Variants in SOBP observed in about 807,000 individuals in gnomAD.
SOBP encodes sine oculis binding protein homolog.
A neutral mutation model predicts 53.6 loss-of-function variants in SOBP; 4 were observed. The observed-to-expected ratio is 0.07, with a 90% confidence interval of 0.04 to 0.17. The LOEUF (loss-of-function observed/expected upper bound fraction) is 0.17. Among genes scored for constraint, SOBP ranks in the 10% least tolerant of loss-of-function variants. The probability of loss-of-function intolerance (pLI) is 1.00; values close to 1 mark genes in which losing one functional copy is unlikely to be tolerated. For synonymous variants in SOBP, 584 were observed against 522.6 expected (o/e 1.12, Z -1.60); for missense variants, 1,088 against 1,204.7 (o/e 0.90, Z 1.43).
chr6:107,542,720 C>T (rs1315863827), intron 4 of SOBP, among the ~76,000 whole-genome samples: 1 of 151,782 alleles, frequency 6.6e-6, no homozygotes. Flanking sequence ...GTGTATTGAA[C>T]CAATTTAGTT....
intron 4 of SOBP, among the ~76,000 whole-genome samples, chr6:107,578,543 C>G (rs976098113): frequency 6.6e-6 from 1 of 152,144 alleles, no homozygotes; most frequent in East Asian, 1.9e-4. Flanking sequence ...TCCATAATGT[C>G]TCTGTGCCCC....
At chr6:107,577,653 C>T (rs1345662908) in intron 4 of SOBP, among the ~76,000 whole-genome samples, 1 of 152,134 alleles carries the variant, frequency 6.6e-6, no homozygotes, top group Non-Finnish European at 1.5e-5. Flanking sequence ...TTTTAGAAGT[C>T]CACAAAGGAG....
At position 107,634,155 on chromosome 6, in the gene SOBP, G is replaced by A. The variant is rs745575165; in HGVS notation, c.1311G>A (p.Pro437=). 1.2e-6 allele frequency: 2 copies of A among 1,607,954 alleles called. No homozygotes were observed. Among genetic ancestry groups the A allele is most frequent in the Admixed American group, 1.7e-5 (1 of 59,674 alleles). The change falls in exon 6 of 7, where the codon CCG becomes CCA. Residue 437 remains proline (P), a synonymous_variant. Transcript: ENST00000317357. The surrounding 1 kb of genome is among the most constrained non-coding windows in gnomAD (Gnocchi z 4.5). The part of the protein sequence containing the change: ...SNPMLPGIGP[P]PGGPRNLGPT... The stretch of plus-strand genomic sequence containing the variant: ...CCATGCTTCCCGGCATCGGGCCCCC[G>A]CCCGGTGGCCCCAGAAACCTGGGCC...
chr6:107,633,692 T>A lies in SOBP; in HGVS notation c.848T>A (p.Met283Lys). 1 of 1,614,210 alleles carries A rather than the reference T, an allele frequency of 6.2e-7. No homozygotes were observed. The highest frequency in any genetic ancestry group is 1.1e-5 in the South Asian group (1 of 91,084). The change falls in exon 6 of 7, where the codon ATG (methionine) becomes AAG (lysine). Residue 283 changes from methionine to lysine, a missense_variant. Met to Lys is a moderately conservative substitution (Grantham distance 95, BLOSUM62 -1). Transcript: ENST00000317357. ...AGLCSTLHPP[M>K]ENKAEGTGVQ... ...CTGTGCAGCACATTACACCCTCCCA[T>A]GGAAAATAAAGCAGAAGGCACCGGG...
intron 6 of SOBP, among the ~76,000 whole-genome samples, chr6:107,637,376 G>A (rs150876512): frequency 2.8e-3 from 427 of 152,336 alleles, no homozygotes; most frequent in South Asian, 4.1e-3. Context: ...ACCATCGTTC[G>A]AGGTTTCCTT....
chr6:107,498,477 C>T (rs569515416), intron 1 of SOBP, among the ~76,000 whole-genome samples: 7 of 151,992 alleles, frequency 4.6e-5, no homozygotes, highest in Non-Finnish European at 8.8e-5. Context: ...AGGTATTTTG[C>T]GAATTTGTAA....
At chr6:107,516,374 A>C (rs1783321399) in intron 3 of SOBP, among the ~76,000 whole-genome samples, 2 of 152,038 alleles carry the variant, frequency 1.3e-5, no homozygotes, top group Admixed American at 1.3e-4. Flanking sequence ...AGGTGGGAGA[A>C]TTGTTGGAAC....
chr6:107,610,923 C>T (rs2115101380), intron 5 of SOBP, among the ~76,000 whole-genome samples: 1 of 152,318 alleles, frequency 6.6e-6, no homozygotes, highest in East Asian at 1.9e-4. Context: ...GCATCACTAC[C>T]ATAGTTACCA....
chr6:107,569,664 G>A (rs556168881), intron 4 of SOBP, among the ~76,000 whole-genome samples: 7 of 152,292 alleles, frequency 4.6e-5, no homozygotes, highest in Non-Finnish European at 5.9e-5. Context: ...GGCTGGGCCC[G>A]GAGATAAAAC....
intron 4 of SOBP, among the ~76,000 whole-genome samples, chr6:107,565,285 G>C (rs953660325): frequency 1.3e-5 from 2 of 152,138 alleles, no homozygotes; most frequent in Admixed American, 1.3e-4. Context: ...AGTCTCTGCT[G>C]AGTCCCATTG....
intron 2 of SOBP, among the ~76,000 whole-genome samples, chr6:107,504,795 A>C (rs927612686): frequency 6.6e-6 from 1 of 152,252 alleles, no homozygotes; most frequent in African/African-American, 2.4e-5. Context: ...ATTTTATGTT[A>C]AGCTTACTAT....
chr6:107,606,765 G>A (rs1407805690), intron 5 of SOBP, among the ~76,000 whole-genome samples: 1 of 152,240 alleles, frequency 6.6e-6, no homozygotes, highest in East Asian at 1.9e-4. Flanking sequence ...ACAGGAGCAG[G>A]AGAGGCTGGA....
intron 5 of SOBP, among the ~76,000 whole-genome samples, chr6:107,632,067 ATTGT>A (rs747433625): frequency 5.3e-5 from 8 of 152,350 alleles, no homozygotes; most frequent in Admixed American, 2.6e-4. Context: ...TTGTTTTTGC[ATTGT>A]TTATGTGACC....
At chr6:107,595,350 C>CTTT (rs745477007) in intron 5 of SOBP, among the ~76,000 whole-genome samples, 5,005 of 88,052 alleles carry the variant, frequency 0.057, 322 homozygotes, top group East Asian at 0.24. Flanking sequence ...GATTTTGATC[C>CTTT]TTTTTTTTTT....
intron 5 of SOBP, among the ~76,000 whole-genome samples, chr6:107,587,707 T>C (rs1213718293): frequency 2.0e-5 from 3 of 152,304 alleles, no homozygotes; most frequent in Non-Finnish European, 2.9e-5. Context: ...CGGGGATGTT[T>C]ACAAGTCGTG....
Position 107,490,461 on chromosome 6 carries a change from G to T in SOBP, c.-156G>T. The T allele has an allele frequency of 1.6e-6, 1 of 607,944 alleles. No homozygotes were observed. The allele number at this position is 607,944 out of a possible 1,614,324, so 37.7% of individuals were successfully genotyped here. On this transcript the variant is annotated 5_prime_UTR_variant, in exon 1 of 7. Coordinates refer to ENST00000317357, the MANE Select transcript of SOBP (RefSeq NM_018013.4). ...GAAGAGACCCCGCTTCTCGGCGCCT[G>T]CCCTCCCCCTCGCGGCTCGGTCCGG...
chr6:107,565,435 A>G lies in SOBP; in HGVS notation c.574-21645A>G, dbSNP rs143884897. On this transcript the variant is annotated intron_variant, in intron 4 of 6. Coordinates refer to ENST00000317357, the MANE Select transcript of SOBP (RefSeq NM_018013.4). ...GCTCCACCTCTTCGTGGAATCCAGT[A>G]CAAGGCAGGTGCAAAGGATTGGACC... Among the ~76,000 whole-genome samples the G allele has an allele frequency of 5.5e-3, 829 of 150,576 alleles. 2 individuals carry two copies. Among genetic ancestry groups the G allele is most frequent in the African/African-American group, 0.019 (786 of 41,192 alleles).
intron 6 of SOBP, among the ~76,000 whole-genome samples, chr6:107,649,206 G>A (rs1771694352): frequency 1.4e-5 from 2 of 143,998 alleles, no homozygotes; most frequent in Non-Finnish European, 3.0e-5. Context: ...AGGAGCCATG[G>A]CTCATGCCTG....
chr6:107,558,456 A>T (rs1784679957), intron 4 of SOBP, among the ~76,000 whole-genome samples: 1 of 151,614 alleles, frequency 6.6e-6, no homozygotes, highest in African/African-American at 2.4e-5. Context: ...TTTAGTAGAG[A>T]CGGGGGTTTC....
Sources: allele counts gnomAD v4.1 joint callset (sites outside exome capture counted in the v4.1 genomes callset), GRCh38; gene constraint gnomAD v4.1.1; non-coding constraint Gnocchi (gnomAD v3.1); transcripts MANE v1.5; gene names NCBI Gene and HGNC (gene_info 2026-07-23, HGNC 2026-07-21).